Variants in LAMC3 observed in about 807,000 individuals in gnomAD.
The protein encoded by LAMC3 is laminin subunit gamma-3.
LAMC3 carries 128 observed loss-of-function variants against 173.8 expected under a neutral mutation model. The observed-to-expected ratio is 0.74, with a 90% confidence interval of 0.64 to 0.85. LAMC3 has a LOEUF of 0.85. LAMC3 is among the 40% of genes least tolerant of loss of function. LAMC3 has a pLI of 0.00. For synonymous variants in LAMC3, 897 were observed against 909.1 expected (o/e 0.99, Z 0.24); for missense variants, 2,022 against 2,156.0 (o/e 0.94, Z 1.23).
chr9:131,046,594 G>C (rs1233287756), intron 8 of LAMC3, among the ~76,000 whole-genome samples: 2 of 132,980 alleles, frequency 1.5e-5, no homozygotes, highest in African/African-American at 5.9e-5. Flanking sequence ...GAACTCCTGA[G>C]CTCAGGCAAT....
At chr9:131,028,790 T>A (rs957811959) in intron 2 of LAMC3, among the ~76,000 whole-genome samples, 1 of 152,228 alleles carries the variant, frequency 6.6e-6, no homozygotes, top group Admixed American at 6.5e-5. Context: ...ACAGTGTGCG[T>A]AGAGTACTGC....
rs2133348499 is a variant in LAMC3 at position 131,084,780 on chromosome 9, T to C, written c.4031-744T>C. On this transcript the variant is annotated intron_variant, in intron 24 of 27. Transcript: ENST00000361069. Reference sequence around the variant, plus strand: ...CGTGTATGGTGGTGTGTGCTTATAATCTCAGCTACTCAGGAGGCTGAGGCA... The same window carrying C: ...CGTGTATGGTGGTGTGTGCTTATAACCTCAGCTACTCAGGAGGCTGAGGCA... Among the ~76,000 whole-genome samples the C allele has an allele frequency of 1.3e-5, 2 of 151,916 alleles. 1 individual carries two copies. Among genetic ancestry groups the C allele is most frequent in the South Asian group, 4.2e-4 (2 of 4,808 alleles).
intron 24 of LAMC3, 22 bp downstream of exon 24, chr9:131,082,183 C>T: frequency 6.4e-7 from 1 of 1,574,078 alleles, no homozygotes; most frequent in Non-Finnish European, 8.7e-7. Flanking sequence ...CAGCTGACCA[C>T]TAGGCTGTGT....
At chr9:131,035,225 C>T (rs1033154348) in intron 3 of LAMC3, among the ~76,000 whole-genome samples, 3 of 152,192 alleles carry the variant, frequency 2.0e-5, no homozygotes, top group African/African-American at 7.2e-5. Context: ...GCTGGGATTA[C>T]AGGTGTGAGC....
intron 8 of LAMC3, among the ~76,000 whole-genome samples, chr9:131,048,157 G>A (rs915014982): frequency 6.9e-6 from 1 of 144,812 alleles, no homozygotes; most frequent in African/African-American, 2.6e-5. Context: ...CTCGGGTTCA[G>A]GCGATTCTCC....
chr9:131,039,390 A>G, intron 6 of LAMC3, 142 bp downstream of exon 6: 1 of 742,832 alleles, frequency 1.3e-6, no homozygotes, highest in South Asian at 1.5e-5. Context: ...GACTAGAGAC[A>G]CTCAGCTCCT....
intron 13 of LAMC3, 78 bp from the exon 14 acceptor site, chr9:131,066,871 GGAGGGACGCTT>G: frequency 6.5e-7 from 1 of 1,541,632 alleles, no homozygotes; most frequent in Non-Finnish European, 8.8e-7. Context: ...CGGGGAAGGT[GGAGGGACGCTT>G]GCTCTGCTTC....
In LAMC3 at chr9:131,067,090, CCT is replaced by C. The variant is rs781432366; in HGVS notation, c.2479_2480del (p.Leu827ValfsTer14). On this transcript the variant is annotated frameshift_variant, in exon 14 of 28. Transcript: ENST00000361069. LOFTEE classifies it high-confidence loss of function. ...DPNAVGNCDP[L>X]SGHCLRCLHN... ...CCAATGCCGTGGGCAACTGTGACCC[CCT>C]GTCTGGCCACTGCCTGCGCTGCCTG... The C allele has an allele frequency of 3.1e-6, 5 of 1,614,144 alleles. No individual in the cohort carries two copies. In the South Asian group the frequency reaches 4.4e-5, roughly 14 times the overall value.
chr9:131,018,681 TC>T lies in LAMC3; in HGVS notation c.374-7602del, dbSNP rs1380005942. On this transcript the variant is annotated intron_variant, in intron 1 of 27. Transcript: ENST00000361069. ...GTCTAGAATTCTGTTCCCTCTGCTC[TC>T]CTCGCCTGTCTAGCTCCCATGCACC... is the stretch of plus-strand genomic sequence containing the variant. Among the ~76,000 whole-genome samples, 6 of 152,128 alleles carry T rather than the reference TC, an allele frequency of 3.9e-5. No homozygotes were observed. The East Asian group carries it at 1.2e-3, about 29-fold the overall frequency.
intron 21 of LAMC3, 52 bp downstream of exon 21, chr9:131,076,017 C>A: frequency 6.5e-7 from 1 of 1,537,438 alleles, no homozygotes; most frequent in East Asian, 2.3e-5. Context: ...CTCCTGGAGC[C>A]AACAGGGCCT....
intron 1 of LAMC3, among the ~76,000 whole-genome samples, chr9:131,018,990 C>T (rs1228741834): frequency 6.6e-6 from 1 of 152,220 alleles, no homozygotes; most frequent in East Asian, 1.9e-4. Context: ...CATCTGGGCA[C>T]GGTGGCTCAC....
At chr9:131,023,449 C>T (rs979223662) in intron 1 of LAMC3, among the ~76,000 whole-genome samples, 5 of 152,158 alleles carry the variant, frequency 3.3e-5, no homozygotes, top group Non-Finnish European at 7.4e-5. Context: ...TTGTTATTAC[C>T]TCTGTTCATG....
At chr9:131,060,111 A>G (rs1022436449) in intron 12 of LAMC3, among the ~76,000 whole-genome samples, 5 of 152,204 alleles carry the variant, frequency 3.3e-5, no homozygotes, top group Non-Finnish European at 7.3e-5. Flanking sequence ...CACCGTCATC[A>G]GGAGCCAGAG....
At position 131,063,154 on chromosome 9, in the gene LAMC3, G is replaced by A. The variant is rs545870272; in HGVS notation, c.2347+1931G>A. Among the ~76,000 whole-genome samples, 4 of 151,612 alleles carry A rather than the reference G, an allele frequency of 2.6e-5. No individual in the cohort carries two copies. In the East Asian group the frequency reaches 7.7e-4, roughly 29 times the overall value. ...GGGACTGTTCTGAAAGCAGCTCTCT[G>A]GCAGCCAACAGCCAACAGGGCAGGG... is the stretch of plus-strand genomic sequence containing the variant. On this transcript the variant is annotated intron_variant, in intron 13 of 27. Transcript: ENST00000361069.
At chr9:131,047,422 C>T (rs906173204) in intron 8 of LAMC3, among the ~76,000 whole-genome samples, 2 of 151,682 alleles carry the variant, frequency 1.3e-5, no homozygotes, top group African/African-American at 4.8e-5. Context: ...CCTCCTCAGC[C>T]TCCCAGAGTG....
intron 7 of LAMC3, among the ~76,000 whole-genome samples, chr9:131,044,001 C>T (rs1297597417): frequency 6.9e-6 from 1 of 145,532 alleles, no homozygotes; most frequent in African/African-American, 2.6e-5. Flanking sequence ...CTCTTTTGCT[C>T]AGGCTGGAGT....
chr9:131,042,965 C>A (rs977343700), intron 7 of LAMC3, among the ~76,000 whole-genome samples: 1 of 144,450 alleles, frequency 6.9e-6, no homozygotes, highest in Admixed American at 6.7e-5. Context: ...GATGGCATAC[C>A]CATGGCAGAC....
chr9:131,046,518 ATTTTTTTT>A (rs71501242), intron 8 of LAMC3, among the ~76,000 whole-genome samples: 55 of 49,166 alleles, frequency 1.1e-3, no homozygotes, highest in Middle Eastern at 0.024. Context: ...TAATTTTTGT[ATTTTTTTT>A]TTTTTTTTTT....
At chr9:131,077,137 T>TGGGGA in intron 21 of LAMC3, 50 bp from the exon 22 acceptor site, 1 of 1,608,266 alleles carries the variant, frequency 6.2e-7, no homozygotes, top group Non-Finnish European at 8.5e-7. Context: ...CAGACAGGGA[T>TGGGGA]GGGGAGGGCT....
Sources: allele counts gnomAD v4.1 joint callset (sites outside exome capture counted in the v4.1 genomes callset), GRCh38; gene constraint gnomAD v4.1.1; transcripts MANE v1.5; gene names NCBI Gene and HGNC (gene_info 2026-07-23, HGNC 2026-07-21).